Variants in NTM observed in about 807,000 individuals in gnomAD.
The protein encoded by NTM is neurotrimin.
A neutral mutation model predicts 42.1 loss-of-function variants in NTM; 13 were observed. The ratio of observed to expected loss-of-function variants is 0.31; its 90% confidence interval spans 0.20 to 0.49. The LOEUF is 0.49. Ranked by LOEUF, NTM falls within the 20% of genes least tolerant of loss-of-function variation. NTM has a pLI of 0.99. For synonymous variants in NTM, 187 were observed against 179.2 expected, an observed-to-expected ratio of 1.04 and a Z score of -0.35; for missense variants, 373 against 452.8, an observed-to-expected ratio of 0.82 and a Z score of 1.60.
At chr11:131,515,435 C>T (rs1414483364) in intron 1 of NTM, among the ~76,000 whole-genome samples, 1 of 152,158 alleles carries the variant, frequency 6.6e-6, no homozygotes, top group Non-Finnish European at 1.5e-5. Flanking sequence ...TAATCACCTG[C>T]AGCAGCAACT....
At chr11:131,680,402 T>C (rs2072274874) in intron 1 of NTM, among the ~76,000 whole-genome samples, 1 of 142,876 alleles carries the variant, frequency 7.0e-6, no homozygotes, top group Non-Finnish European at 1.5e-5. Context: ...TGTGTGTGCG[T>C]CTGTGTAGGC....
At chr11:131,538,116 G>T (rs1338389509) in intron 1 of NTM, 2 of 152,210 alleles carry the variant, frequency 1.3e-5, no homozygotes, top group East Asian at 3.8e-4. Context: ...TACCACTGGG[G>T]AGAAGGGAAG....
At chr11:131,374,883 A>G (rs191646193) in intron 1 of NTM, among the ~76,000 whole-genome samples, 1 of 152,358 alleles carries the variant, frequency 6.6e-6, no homozygotes, top group African/African-American at 2.4e-5. Flanking sequence ...CAATCATAGT[A>G]GAGGCACACT....
At chr11:132,060,605 G>A (rs931179673) in intron 2 of NTM, among the ~76,000 whole-genome samples, 4 of 152,218 alleles carry the variant, frequency 2.6e-5, no homozygotes, top group African/African-American at 9.6e-5. Flanking sequence ...TCTGTCACAT[G>A]TTATTGGTGG....
intron 1 of NTM, among the ~76,000 whole-genome samples, chr11:131,592,951 T>C (rs945276594): frequency 6.6e-6 from 1 of 152,166 alleles, no homozygotes; most frequent in African/African-American, 2.4e-5. Context: ...TTCTCCTTGT[T>C]TACAATGCAT....
At chr11:132,214,299 G>A (rs1009761324) in intron 4 of NTM, among the ~76,000 whole-genome samples, 1 of 152,140 alleles carries the variant, frequency 6.6e-6, no homozygotes, top group African/African-American at 2.4e-5. Flanking sequence ...GCGGATGCCA[G>A]CCCAGTCTGT....
chr11:131,420,876 C>T (rs979408164), intron 1 of NTM, among the ~76,000 whole-genome samples: 6 of 152,104 alleles, frequency 3.9e-5, no homozygotes, highest in Admixed American at 3.3e-4. Flanking sequence ...TTGGCAAATG[C>T]CTGGTCTGGT....
intron 1 of NTM, among the ~76,000 whole-genome samples, chr11:131,854,547 C>T (rs943913462): frequency 3.9e-5 from 6 of 152,158 alleles, no homozygotes; most frequent in African/African-American, 1.4e-4. Context: ...GCATCAAGTG[C>T]TGAGTCTTGA....
intron 1 of NTM, among the ~76,000 whole-genome samples, chr11:131,780,418 TAGG>T (rs1343691850): frequency 6.6e-6 from 1 of 152,046 alleles, no homozygotes; most frequent in Non-Finnish European, 1.5e-5. Flanking sequence ...TTCTCAAATG[TAGG>T]AGTTTTATTT....
chr11:131,644,980 C>G (rs2065593925), intron 1 of NTM, among the ~76,000 whole-genome samples: 1 of 152,084 alleles, frequency 6.6e-6, no homozygotes, highest in African/African-American at 2.4e-5. Context: ...CACAGCATTG[C>G]CAAGCGTGTA....
At chr11:131,416,766 G>C (rs1432642967) in intron 1 of NTM, among the ~76,000 whole-genome samples, 1 of 152,154 alleles carries the variant, frequency 6.6e-6, no homozygotes. Flanking sequence ...TTAAAGTCTT[G>C]TTTTTGATAT....
At chr11:132,033,671 C>T (rs1483303847) in intron 2 of NTM, among the ~76,000 whole-genome samples, 4 of 152,286 alleles carry the variant, frequency 2.6e-5, no homozygotes, top group African/African-American at 9.6e-5. Context: ...GCGTGAGAAG[C>T]ATATTACCAA....
At chr11:131,965,717 C>T (rs1261184727) in intron 2 of NTM, among the ~76,000 whole-genome samples, 1 of 152,092 alleles carries the variant, frequency 6.6e-6, no homozygotes, top group African/African-American at 2.4e-5. Flanking sequence ...TCTCAGGCTG[C>T]CGCCCAGAAA....
chr11:131,506,197 G>A lies in NTM; in HGVS notation c.82+135309G>A, dbSNP rs564503879. 2.4e-4 allele frequency among the ~76,000 whole-genome samples: 36 copies of A among 152,228 alleles called. 1 individual carries two copies. In the South Asian group the frequency reaches 6.4e-3, roughly 27 times the overall value. On this transcript the variant is annotated intron_variant, in intron 1 of 8. Transcript: ENST00000683400. Reference sequence around the variant, plus strand: ...TCAATTACTCCTTGTGATTATTCCCGAGCCTATTTGTGGAACTCCAGGCCC... The same window carrying A: ...TCAATTACTCCTTGTGATTATTCCCAAGCCTATTTGTGGAACTCCAGGCCC...
chr11:132,304,205 G>T (rs1481609042), intron 4 of NTM, among the ~76,000 whole-genome samples: 2 of 152,156 alleles, frequency 1.3e-5, no homozygotes, highest in African/African-American at 4.8e-5. Context: ...TGAAGAAGTG[G>T]ACCATGATGA....
intron 1 of NTM, among the ~76,000 whole-genome samples, chr11:131,441,714 C>T (rs892573233): frequency 6.6e-6 from 1 of 152,180 alleles, no homozygotes; most frequent in Admixed American, 6.5e-5. Context: ...TAAATTTGTC[C>T]TAAGGCACCA....
intron 1 of NTM, among the ~76,000 whole-genome samples, chr11:131,813,677 T>C (rs1374262667): frequency 6.6e-6 from 1 of 152,120 alleles, no homozygotes; most frequent in Non-Finnish European, 1.5e-5. Flanking sequence ...AAAATCAAAG[T>C]GGTATTATAA....
intron 7 of NTM, 172 bp downstream of exon 7, chr11:132,314,875 GAGACAGGGAGGAGGC>G: frequency 1.1e-5 from 15 of 1,367,564 alleles, no homozygotes; most frequent in Non-Finnish European, 1.4e-5. Context: ...GAGGGACAGA[GAGACAGGGAGGAGGC>G]AGACAGAAAG....
intron 2 of NTM, among the ~76,000 whole-genome samples, chr11:131,958,876 C>G (rs1388800892): frequency 6.6e-6 from 1 of 152,154 alleles, no homozygotes; most frequent in Non-Finnish European, 1.5e-5. Context: ...GAAATAGGAG[C>G]CTTCGCCAAC....
Sources: allele counts gnomAD v4.1 joint callset (sites outside exome capture counted in the v4.1 genomes callset), GRCh38; gene constraint gnomAD v4.1.1; transcripts MANE v1.5; gene names NCBI Gene and HGNC (gene_info 2026-07-23, HGNC 2026-07-21).